The following KLHL4 variants were observed in gnomAD, a reference collection of about 807,000 sequenced individuals.
KLHL4 encodes kelch like family member 4.
In KLHL4, 17 loss-of-function variants were observed where a neutral mutation model predicts 45.8. The observed-to-expected ratio is 0.37, with a 90% CI of 0.25 to 0.56. The LOEUF is 0.56. KLHL4 is among the 20% of genes least tolerant of loss of function. The pLI, the probability that KLHL4 is intolerant of heterozygous loss-of-function variation, is 0.79. For synonymous variants in KLHL4, 224 were observed against 189.9 expected (o/e 1.18, Z -1.47); for missense variants, 544 against 544.9 (o/e 1.00, Z 0.02).
intron 9 of KLHL4, among the ~76,000 whole-genome samples, chrX:87,640,324 C>T (rs1292117836): frequency 9.0e-6 from 1 of 111,263 alleles, no homozygotes; most frequent in Non-Finnish European, 1.9e-5. Flanking sequence ...AAAGGGAATC[C>T]TCCGTAAATC....
rs755871530 is a variant in KLHL4 at position 87,633,856 on chromosome X, G to A, written c.1657G>A (p.Val553Ile). 23 of 1,207,093 alleles carry A rather than the reference G, an allele frequency of 1.9e-5. No individual in the cohort carries two copies. The highest frequency in any genetic ancestry group is 5.3e-5 in the South Asian group (3 of 56,339). ...CCCTGAGGGACGACAGTGGAATTAC[G>A]TAGCCAGTATGTCAACTCCTAGAAG... is the stretch of plus-strand genomic sequence containing the variant. ...WDPEGRQWNY[V>I]ASMSTPRSTV... Residue 553 changes from valine (V) to isoleucine (I), a missense_variant, in exon 8 of 11, where the codon GTA (valine) becomes ATA (isoleucine). Transcript: ENST00000373119.
intron 1 of KLHL4, among the ~76,000 whole-genome samples, chrX:87,600,300 G>A (rs1362647038): frequency 9.1e-6 from 1 of 110,393 alleles, no homozygotes; most frequent in Non-Finnish European, 1.9e-5. Flanking sequence ...TGGCTAACAT[G>A]GCGAAACCCC....
chrX:87,642,661 G>A (rs1923502468), intron 9 of KLHL4, among the ~76,000 whole-genome samples: 1 of 112,209 alleles, frequency 8.9e-6, no homozygotes, highest in African/African-American at 3.2e-5. Flanking sequence ...GATACAAGAA[G>A]TGAAGGGAGA....
rs376629300 is a variant in KLHL4 at position 87,652,527 on chromosome X, A to T, written c.1926-12237A>T. Among the ~76,000 whole-genome samples, 11 of 112,218 alleles carry T rather than the reference A, an allele frequency of 9.8e-5. No homozygotes were observed. In the East Asian group the frequency reaches 2.0e-3, roughly 20 times the overall value. ...CAAGTTTAAAGTTGCACAAATTTCTAGGGCAGGGACAAAATGCTGCCAGTC... is the reference window on the plus strand; with the variant it reads ...CAAGTTTAAAGTTGCACAAATTTCTTGGGCAGGGACAAAATGCTGCCAGTC... On this transcript the variant is annotated intron_variant, in intron 9 of 10. Transcript: ENST00000373119.
intron 1 of KLHL4, among the ~76,000 whole-genome samples, chrX:87,554,865 A>T (rs1931932357): frequency 9.8e-6 from 1 of 102,444 alleles, no homozygotes; most frequent in Non-Finnish European, 2.0e-5. Flanking sequence ...TGTCATAGAT[A>T]GCTCTTATTA....
At chrX:87,570,622 A>C in intron 1 of KLHL4, among the ~76,000 whole-genome samples, 1 of 110,895 alleles carries the variant, frequency 9.0e-6, no homozygotes, top group Non-Finnish European at 1.9e-5. Flanking sequence ...TAAAAGAAGG[A>C]GAGTTATCAC....
In KLHL4 at chrX:87,582,421, G is replaced by T. The variant is rs145657140; in HGVS notation, c.423-31456G>T. On this transcript the variant is annotated intron_variant, in intron 1 of 10. Transcript: ENST00000373119. ...CAGCAATTGTGGGGAATAGAACTTG[G>T]TGCTGTCCTGTAAGAGCAGAAAGAA... 8.6e-3 allele frequency among the ~76,000 whole-genome samples: 960 copies of T among 111,595 alleles called. 10 individuals are homozygous for T. The highest frequency in any genetic ancestry group is 0.029 in the African/African-American group (903 of 30,704).
chrX:87,565,649 C>G (rs1330316205), intron 1 of KLHL4, among the ~76,000 whole-genome samples: 3 of 90,913 alleles, frequency 3.3e-5, no homozygotes, highest in Non-Finnish European at 4.2e-5. Context: ...TTGTTTGAAC[C>G]CTGGAGGTGG....
Position 87,667,057 on chromosome X carries a change from T to C in KLHL4, c.*523T>C. ...AAAGAGCTAAACAATTCCTTACATT[T>C]ACCAAGAGGAAAGCTTTTACTGTGT... On this transcript the variant is annotated 3_prime_UTR_variant, in exon 11 of 11. Transcript: ENST00000373119. 1 of 728,292 alleles carries C rather than the reference T, an allele frequency of 1.4e-6. No individual in the cohort carries two copies. Among genetic ancestry groups the C allele is most frequent in the Non-Finnish European group, 1.6e-6 (1 of 622,499 alleles). The allele number at this position is 728,292 out of a possible 1,213,427, so 60.0% of individuals were successfully genotyped here. A position where few individuals can be genotyped will look rare whatever the true frequency, so the allele number is the denominator to read the frequency against.
At chrX:87,634,954 A>G (rs1026894001) in intron 8 of KLHL4, among the ~76,000 whole-genome samples, 1 of 111,969 alleles carries the variant, frequency 8.9e-6, no homozygotes, top group Non-Finnish European at 1.9e-5. Context: ...TTATTAATAC[A>G]TGATAACTTT....
intron 1 of KLHL4, among the ~76,000 whole-genome samples, chrX:87,584,857 CAA>C (rs35181676): frequency 0.27 from 20,644 of 76,610 alleles, 1,881 homozygotes; most frequent in Non-Finnish European, 0.3. Context: ...TATCCGTATC[CAA>C]AAAAAAAAAA....
chrX:87,603,523 T>C (rs867692111), intron 1 of KLHL4, among the ~76,000 whole-genome samples: 1 of 110,961 alleles, frequency 9.0e-6, no homozygotes, highest in African/African-American at 3.3e-5. Context: ...TATGTAATAG[T>C]TTTTCATCAT....
intron 1 of KLHL4, among the ~76,000 whole-genome samples, chrX:87,590,511 CA>C (rs1260020313): frequency 1.8e-5 from 2 of 111,488 alleles, no homozygotes; most frequent in Non-Finnish European, 3.8e-5. Flanking sequence ...TGAGGGACTA[CA>C]AAAGATATCA....
intron 1 of KLHL4, among the ~76,000 whole-genome samples, chrX:87,551,138 A>G (rs1241201827): frequency 3.6e-5 from 4 of 111,200 alleles, no homozygotes; most frequent in African/African-American, 3.3e-5. Context: ...AAGCTCCTAG[A>G]AATCATAAAA....
chrX:87,526,123 A>T (rs754978369), intron 1 of KLHL4, among the ~76,000 whole-genome samples: 2 of 112,009 alleles, frequency 1.8e-5, no homozygotes, highest in Admixed American at 1.9e-4. Context: ...GCACAGTGAG[A>T]CTTAGGTGTC....
intron 1 of KLHL4, among the ~76,000 whole-genome samples, chrX:87,577,788 C>T (rs1261678120): frequency 9.0e-6 from 1 of 111,185 alleles, no homozygotes; most frequent in Non-Finnish European, 1.9e-5. Context: ...TGCTATGCTT[C>T]GTTTTACAAC....
At chrX:87,540,324 C>G (rs1407212831) in intron 1 of KLHL4, among the ~76,000 whole-genome samples, 1 of 111,105 alleles carries the variant, frequency 9.0e-6, no homozygotes, top group Non-Finnish European at 1.9e-5. Flanking sequence ...ATATTTTTAA[C>G]TTTTATATTA....
intron 9 of KLHL4, among the ~76,000 whole-genome samples, chrX:87,639,875 C>CAAA (rs1051460536): frequency 9.8e-6 from 1 of 102,440 alleles, no homozygotes; most frequent in Admixed American, 1.0e-4. Flanking sequence ...ACAACAACAA[C>CAAA]AAAAAAATAC....
At chrX:87,591,839 T>A (rs1398406416) in intron 1 of KLHL4, among the ~76,000 whole-genome samples, 1 of 112,166 alleles carries the variant, frequency 8.9e-6, no homozygotes, top group Non-Finnish European at 1.9e-5. Flanking sequence ...CAAACATTTA[T>A]CAATTATGTG....
Sources: allele counts gnomAD v4.1 joint callset (sites outside exome capture counted in the v4.1 genomes callset), GRCh38; gene constraint gnomAD v4.1.1; transcripts MANE v1.5; gene names NCBI Gene and HGNC (gene_info 2026-07-23, HGNC 2026-07-21).